COL21A1: variants seen among roughly 807,000 people sequenced by gnomAD.
COL21A1 encodes collagen type XXI alpha 1 chain, also known as collagen alpha-1(XXI) chain.
COL21A1 carries 149 observed loss-of-function variants against 137.9 expected under a neutral mutation model. The ratio of observed to expected loss-of-function variants is 1.08; its 90% CI spans 0.95 to 1.24. The LOEUF is 1.24. Among genes scored for constraint, COL21A1 ranks in the 50% most tolerant of loss-of-function variants. COL21A1 has a pLI of 0.00. For missense variants in COL21A1, 1,167 were observed against 1,158.4 expected, an observed-to-expected ratio of 1.01 and a Z score of -0.11; for synonymous variants, 456 against 391.5, an observed-to-expected ratio of 1.16 and a Z score of -1.95.
intron 16 of COL21A1, among the ~76,000 whole-genome samples, chr6:56,115,312 A>T (rs1033460319): frequency 8.5e-5 from 13 of 152,122 alleles, no homozygotes; most frequent in South Asian, 2.1e-4. Context: ...AAAAAAAAAA[A>T]AAAGAACAGA....
chr6:56,383,852 C>T (rs993074262), intron 1 of COL21A1, among the ~76,000 whole-genome samples: 6 of 152,246 alleles, frequency 3.9e-5, no homozygotes, highest in East Asian at 3.9e-4. Context: ...AAACAGGTCT[C>T]GAGAAGAGAT....
intron 1 of COL21A1, among the ~76,000 whole-genome samples, chr6:56,229,110 A>T (rs1781386484): frequency 6.6e-6 from 1 of 151,892 alleles, no homozygotes; most frequent in South Asian, 2.1e-4. Flanking sequence ...GCTGGGTATG[A>T]TGGCTCACAC....
intron 1 of COL21A1, among the ~76,000 whole-genome samples, chr6:56,244,092 G>C (rs909081085): frequency 1.3e-5 from 2 of 152,104 alleles, no homozygotes; most frequent in Non-Finnish European, 2.9e-5. Context: ...ATGGAACAAA[G>C]AGGGCCCTGA....
chr6:56,092,030 C>A (rs1466197006), intron 17 of COL21A1, among the ~76,000 whole-genome samples: 5 of 151,916 alleles, frequency 3.3e-5, no homozygotes, highest in African/African-American at 1.2e-4. Context: ...ATTAAGGATT[C>A]TTTGAAGCAA....
intron 1 of COL21A1, chr6:56,276,420 CT>C (rs74726846): frequency 0.29 from 149,547 of 523,874 alleles, 22,932 homozygotes; most frequent in East Asian, 0.59. Flanking sequence ...CTGTTTTGAT[CT>C]TTTTTTTTTA....
At chr6:56,198,948 G>A (rs1322350430) in intron 1 of COL21A1, among the ~76,000 whole-genome samples, 1 of 152,000 alleles carries the variant, frequency 6.6e-6, no homozygotes, top group Admixed American at 6.6e-5. Context: ...TTAACTGAAA[G>A]GGGCTCTACA....
Position 56,156,926 on chromosome 6 carries a change from G to A in COL21A1, c.1395C>T (p.Asn465=), listed in dbSNP as rs1775786120. The A allele has an allele frequency of 1.9e-6, 3 of 1,612,092 alleles. No individual in the cohort carries two copies. The highest frequency in any genetic ancestry group is 2.5e-6 in the Non-Finnish European group (3 of 1,179,190). The part of the protein sequence containing the change: ...GPKGDPGLPG[N]PGYPGQPGQD... ...GACCAGGTTGTCCAGGGTAGCCAGG[G>A]TTCCCAGGCAGTCCAGGGTCACCCT... is the stretch of plus-strand genomic sequence containing the variant. Residue 465 remains asparagine, a synonymous_variant, in exon 10 of 30, where the codon AAC becomes AAT. Transcript: ENST00000244728.
chr6:56,317,302 C>T (rs1380376661), intron 1 of COL21A1, among the ~76,000 whole-genome samples: 1 of 152,196 alleles, frequency 6.6e-6, no homozygotes, highest in Non-Finnish European at 1.5e-5. Flanking sequence ...TGAGCACTTA[C>T]TACATGCCTG....
chr6:56,057,892 A>G, intron 29 of COL21A1, 48 bp from the exon 30 acceptor site: 3 of 1,302,592 alleles, frequency 2.3e-6, no homozygotes. Flanking sequence ...TTAGTTTTTT[A>G]TAATGAAATA....
At position 56,060,963 on chromosome 6, in the gene COL21A1, C is replaced by T. The variant is rs772571145; in HGVS notation, c.2280G>A (p.Met760Ile). ...GTTGCCCCTTAGGACCTGCGGGCCC[C>T]ATCAAGCCATCCACCCCAGATTCTC... ...SKGESGVDGL[M>I]GPAGPKGQPG... Residue 760 changes from methionine (M) to isoleucine (I), a missense_variant, in exon 26 of 30, where the codon ATG becomes ATA. Transcript: ENST00000244728. 47 of 1,608,148 alleles carry T rather than the reference C, an allele frequency of 2.9e-5. 1 individual carries two copies. The highest frequency in any genetic ancestry group is 3.6e-5 in the Non-Finnish European group (42 of 1,177,724).
chr6:56,217,414 C>T (rs1348158533), intron 1 of COL21A1, among the ~76,000 whole-genome samples: 1 of 152,058 alleles, frequency 6.6e-6, no homozygotes, highest in Non-Finnish European at 1.5e-5. Flanking sequence ...TGAATTTTCT[C>T]AGAAATTCAG....
At chr6:56,070,453 T>C (rs1348641340) in intron 21 of COL21A1, among the ~76,000 whole-genome samples, 1 of 151,626 alleles carries the variant, frequency 6.6e-6, no homozygotes, top group Admixed American at 6.6e-5. Flanking sequence ...TTCAGCTGTT[T>C]AAGGGAAATC....
At chr6:56,320,523 A>T (rs892405480) in intron 1 of COL21A1, among the ~76,000 whole-genome samples, 3 of 7,680 alleles carry the variant, frequency 3.9e-4, no homozygotes, top group Non-Finnish European at 1.8e-3. Flanking sequence ...ATCTGAACAC[A>T]CACACACACA....
chr6:56,264,795 T>C (rs1163627150), intron 1 of COL21A1, among the ~76,000 whole-genome samples: 1 of 152,240 alleles, frequency 6.6e-6, no homozygotes, highest in Non-Finnish European at 1.5e-5. Context: ...CTATAAATGT[T>C]ATCTTCTAAA....
Position 56,057,590 on chromosome 6 carries a change from T to C in COL21A1, c.*67A>G, listed in dbSNP as rs1458025536. The C allele has an allele frequency of 6.8e-7, 1 of 1,473,202 alleles. No homozygotes were observed. The highest frequency in any genetic ancestry group is 2.3e-5 in the East Asian group (1 of 43,504). 91.3% of individuals were successfully genotyped at this position (1,473,202 alleles called of 1,614,324 possible). On this transcript the variant is annotated 3_prime_UTR_variant, in exon 30 of 30. Transcript: ENST00000244728. ...CTTTTCAAGGGATTACTGTTGGTTA[T>C]CTTCCTGAGATGCAAAAGACCACAG...
intron 17 of COL21A1, among the ~76,000 whole-genome samples, chr6:56,093,008 C>G (rs527799170): frequency 1.3e-5 from 2 of 152,228 alleles, no homozygotes; most frequent in East Asian, 3.9e-4. Context: ...CTCATTACTC[C>G]CTCCTCTTCC....
At chr6:56,075,702 T>C (rs886522183) in intron 18 of COL21A1, among the ~76,000 whole-genome samples, 170 bp from the exon 19 acceptor site, 3 of 151,626 alleles carry the variant, frequency 2.0e-5, no homozygotes, top group Middle Eastern at 3.4e-3. Flanking sequence ...GACCTTGGCA[T>C]AGAGTCTGAG....
intron 5 of COL21A1, among the ~76,000 whole-genome samples, chr6:56,170,109 T>C (rs2152272122): frequency 6.6e-6 from 1 of 151,998 alleles, no homozygotes; most frequent in African/African-American, 2.4e-5. Flanking sequence ...TTCTATTAAA[T>C]ATGTATTCCA....
intron 28 of COL21A1, among the ~76,000 whole-genome samples, 156 bp from the exon 29 acceptor site, chr6:56,059,398 C>T (rs1455173449): frequency 8.3e-6 from 1 of 120,550 alleles, no homozygotes; most frequent in Admixed American, 8.1e-5. Flanking sequence ...AGTTTTGAAG[C>T]AATAATTTCT....
Sources: allele counts gnomAD v4.1 joint callset (sites outside exome capture counted in the v4.1 genomes callset), GRCh38; gene constraint gnomAD v4.1.1; transcripts MANE v1.5; gene names NCBI Gene and HGNC (gene_info 2026-07-23, HGNC 2026-07-21).